Variants in ARMCX4 observed in about 807,000 individuals in gnomAD.
ARMCX4 encodes armadillo repeat containing X-linked 4, also known as armadillo repeat-containing X-linked protein 4.
Under a neutral mutation model 34.7 loss-of-function variants are expected in ARMCX4, and 3 were observed. That is an observed-to-expected ratio of 0.09 (90% CI 0.04 to 0.22). The LOEUF (loss-of-function observed/expected upper bound fraction) is 0.22, where lower values mean the gene tolerates loss of function less well. ARMCX4 is among the 10% of genes least tolerant of loss of function. ARMCX4 has a pLI of 1.00. For synonymous variants in ARMCX4, 513 were observed against 632.8 expected (o/e 0.81, Z 2.84); for missense variants, 1,448 against 1,720.8 (o/e 0.84, Z 2.81).
In ARMCX4 at chrX:101,493,532, T is replaced by C. The variant is rs868924634; in HGVS notation, c.4943T>C (p.Ile1648Thr). The C allele has an allele frequency of 1.9e-5, 22 of 1,153,885 alleles. No homozygotes were observed. Among genetic ancestry groups the C allele is most frequent in the Non-Finnish European group, 2.3e-5 (20 of 871,939 alleles). Reference protein sequence around the residue: ...TGNQSSGRSWIGPGDQAVDCS... With the variant: ...TGNQSSGRSWTGPGDQAVDCS... ...AATCAGTCCAGTGGAAGGTCCTGGATTGGGCCTGGGGATCAGGCTGTTGAC... is the reference window on the plus strand; with the variant it reads ...AATCAGTCCAGTGGAAGGTCCTGGACTGGGCCTGGGGATCAGGCTGTTGAC... Residue 1648 changes from isoleucine (I) to threonine (T), a missense_variant, in exon 6 of 6, where the codon ATT becomes ACT. Physicochemically the swap from Ile to Thr is moderately conservative, Grantham distance 89. Coordinates refer to ENST00000423738, the MANE Select transcript of ARMCX4 (RefSeq NM_001256155.3).
intron 4 of ARMCX4, among the ~76,000 whole-genome samples, chrX:101,475,473 G>A (rs1325349420): frequency 2.7e-5 from 3 of 111,251 alleles, no homozygotes; most frequent in African/African-American, 9.8e-5. Context: ...GTGGGCGGCG[G>A]GGAGGGGTGT....
chrX:101,488,422 C>G (rs1038169755), intron 5 of ARMCX4, 22 bp from the exon 6 acceptor site: 53 of 1,086,058 alleles, frequency 4.9e-5, no homozygotes, highest in Non-Finnish European at 6.1e-5. Context: ...AATTTTAGTC[C>G]ATTTCCTTCC....
chrX:101,517,978 A>C (rs1934777228), intron 11 of ARMCX4, among the ~76,000 whole-genome samples: 2 of 112,134 alleles, frequency 1.8e-5, no homozygotes, highest in African/African-American at 6.5e-5. Flanking sequence ...GACAGATCTT[A>C]AGCACATAAA....
At position 101,490,169 on chromosome X, in the gene ARMCX4, A is replaced by G; in HGVS notation, c.1580A>G (p.Lys527Arg). 8.7e-7 allele frequency: 1 copy of G among 1,155,898 alleles called. No homozygotes were observed. The change falls in exon 6 of 6, where the codon AAG becomes AGG. Residue 527 changes from lysine (K) to arginine (R), a missense_variant. Around this residue, in one of 2 missense-constraint regions of ARMCX4, gnomAD observed 1,343 missense variants for 1,540.7 expected, o/e 0.87. Coordinates refer to ENST00000423738, the MANE Select transcript of ARMCX4 (RefSeq NM_001256155.3). The part of the protein sequence containing the change: ...QGEALPNTRG[K>R]ARGKAKAKCK... ...GAAGCCTTACCTAATACTAGAGGTA[A>G]GGCTAGGGGCAAAGCCAAAGCCAAG...
In ARMCX4 at chrX:101,491,318, C is replaced by G. The variant is rs1275121646; in HGVS notation, c.2729C>G (p.Pro910Arg). Residue 910 changes from proline to arginine, a missense_variant, in exon 6 of 6, where the codon CCT becomes CGT. Around this residue, in one of 2 missense-constraint regions of ARMCX4, gnomAD observed 1,343 missense variants for 1,540.7 expected, o/e 0.87. Transcript: ENST00000423738. ...AREDTMGSAQ[P>R]QVVANSQRET... Reference sequence around the variant, plus strand: ...GAAGATACAATGGGCTCTGCCCAGCCTCAGGTTGTGGCCAACTCCCAGCGT... The same window carrying G: ...GAAGATACAATGGGCTCTGCCCAGCGTCAGGTTGTGGCCAACTCCCAGCGT... The G allele has an allele frequency of 8.7e-7, 1 of 1,154,934 alleles. No homozygotes were observed. Among genetic ancestry groups the G allele is most frequent in the Non-Finnish European group, 1.1e-6 (1 of 872,674 alleles).
intron 2 of ARMCX4, among the ~76,000 whole-genome samples, chrX:101,433,580 TACA>T (rs1792216236): frequency 2.7e-5 from 3 of 111,935 alleles, no homozygotes; most frequent in African/African-American, 6.5e-5. Context: ...GGATTGCAGG[TACA>T]ACAAGTCACT....
At chrX:101,480,073 A>T (rs183882909) in intron 4 of ARMCX4, among the ~76,000 whole-genome samples, 1 of 103,347 alleles carries the variant, frequency 9.7e-6, no homozygotes, top group Non-Finnish European at 2.0e-5. Flanking sequence ...TAGCTCTTTA[A>T]ATTTATTGGG....
At chrX:101,447,359 A>G (rs1287824441), downstream of ARMCX4, 1 of 112,422 alleles carries the variant, frequency 8.9e-6, no homozygotes, top group East Asian at 2.8e-4. Context: ...CCTATTACCT[A>G]TTCATTCAAC....
chrX:101,485,002 A>T (rs1933626884), upstream of ARMCX4, among the ~76,000 whole-genome samples: 1 of 111,229 alleles, frequency 9.0e-6, no homozygotes, highest in Non-Finnish European at 1.9e-5. Flanking sequence ...TCCACAGCCC[A>T]TTTGGTGCAG....
chrX:101,483,773 G>A (rs188362495), upstream of ARMCX4, among the ~76,000 whole-genome samples: 8 of 110,606 alleles, frequency 7.2e-5, no homozygotes, highest in Admixed American at 2.9e-4. Flanking sequence ...AAGTAAGTTC[G>A]TCACTTTCAA....
In ARMCX4 at chrX:101,493,720, G is replaced by A; in HGVS notation, c.5131G>A (p.Ala1711Thr). The A allele has an allele frequency of 1.7e-6, 2 of 1,154,612 alleles. No homozygotes were observed. Among genetic ancestry groups the A allele is most frequent in the Non-Finnish European group, 2.3e-6 (2 of 872,602 alleles). The change falls in exon 6 of 6, where the codon GCT (alanine) becomes ACT (threonine). Residue 1711 changes from alanine (A) to threonine (T), a missense_variant. Physicochemically the swap from Ala to Thr is moderately conservative, Grantham distance 58. Transcript: ENST00000423738. ...GGACCAGGCCACTGGAGGATCCTGG[G>A]CTAGATCTGAGGACCAGGCCAGTGG... is the stretch of plus-strand genomic sequence containing the variant. Reference protein sequence around the residue: ...SEDQATGGSWARSEDQASGRF... With the variant: ...SEDQATGGSWTRSEDQASGRF...
intron 11 of ARMCX4, among the ~76,000 whole-genome samples, chrX:101,515,414 TCTTCCTTC>T (rs1159233873): frequency 0.026 from 324 of 12,310 alleles, 19 homozygotes; most frequent in East Asian, 0.11. Flanking sequence ...TCCCTCCCTC[TCTTCCTTC>T]CTTCCTTCCT....
intron 4 of ARMCX4, among the ~76,000 whole-genome samples, chrX:101,457,162 C>T (rs1055828792): frequency 8.9e-5 from 10 of 112,020 alleles, no homozygotes; most frequent in Non-Finnish European, 1.9e-5. Flanking sequence ...TTACTGACTG[C>T]ATCCCTGTGG....
chrX:101,478,906 T>C (rs1396522202), intron 4 of ARMCX4, among the ~76,000 whole-genome samples: 7 of 111,158 alleles, frequency 6.3e-5, no homozygotes, highest in Non-Finnish European at 1.3e-4. Context: ...GATAATTACA[T>C]TGACGGGAAA....
chrX:101,492,331 G>C lies in ARMCX4; in HGVS notation c.3742G>C (p.Gly1248Arg). 5.2e-6 allele frequency: 6 copies of C among 1,151,688 alleles called. No homozygotes were observed. Among genetic ancestry groups the C allele is most frequent in the Non-Finnish European group, 6.9e-6 (6 of 870,768 alleles). The allele number at this position is 1,151,688 out of a possible 1,213,427, so 94.9% of individuals were successfully genotyped here. The change falls in exon 6 of 6, where the codon GGG becomes CGG. Residue 1248 changes from glycine (G) to arginine (R), a missense_variant. Transcript: ENST00000423738. The part of the protein sequence containing the change: ...AGQASDGSWP[G>R]GQASGVSWVG... ...TCAGGCCAGTGATGGGTCCTGGCCT[G>C]GGGGACAGGCCAGTGGGGTGTCCTG...
At chrX:101,442,771 C>T (rs1422287061) in intron 2 of ARMCX4, among the ~76,000 whole-genome samples, 1 of 111,164 alleles carries the variant, frequency 9.0e-6, no homozygotes, top group Admixed American at 9.6e-5. Context: ...CTCCAGGCCA[C>T]TGTCCCCTGG....
downstream of ARMCX4, chrX:101,447,494 A>G (rs902853489): frequency 8.9e-6 from 1 of 111,792 alleles, no homozygotes; most frequent in Non-Finnish European, 1.9e-5. Context: ...ATGTCTACAG[A>G]CAGAGTGGGA....
At chrX:101,532,312 C>G (rs1556022346) in intron 12 of ARMCX4, 1 of 111,270 alleles carries the variant, frequency 9.0e-6, no homozygotes. Flanking sequence ...TTCTTTTTTT[C>G]TGTCTCCACA....
intron 4 of ARMCX4, among the ~76,000 whole-genome samples, chrX:101,454,966 G>A (rs1555999917): frequency 9.0e-6 from 1 of 111,199 alleles, no homozygotes; most frequent in Admixed American, 9.6e-5. Context: ...CCATTCATGA[G>A]GGCTCCATGC....
Sources: allele counts gnomAD v4.1 joint callset (sites outside exome capture counted in the v4.1 genomes callset), GRCh38; gene constraint gnomAD v4.1.1; regional missense constraint gnomAD v4.1.1; transcripts MANE v1.5; gene names NCBI Gene and HGNC (gene_info 2026-07-23, HGNC 2026-07-21).